Variants in DYNC2H1 observed in about 807,000 individuals in gnomAD.
DYNC2H1 encodes the protein dynein cytoplasmic 2 heavy chain 1, also known as cytoplasmic dynein 2 heavy chain 1.
Under a neutral mutation model 570.0 loss-of-function variants are expected in DYNC2H1, and 410 were observed. That is an observed-to-expected ratio of 0.72 (90% confidence interval 0.66 to 0.78). DYNC2H1 has a LOEUF of 0.78. DYNC2H1 is among the 30% of genes least tolerant of loss of function. The pLI is 0.00. For synonymous variants in DYNC2H1, 1,688 were observed against 1,677.6 expected, an observed-to-expected ratio of 1.01 and a Z score of -0.15; for missense variants, 4,865 against 5,046.4, an observed-to-expected ratio of 0.96 and a Z score of 1.09.
chr11:103,341,323 T>C (rs1231214707), intron 82 of DYNC2H1, among the ~76,000 whole-genome samples: 2 of 152,232 alleles, frequency 1.3e-5, no homozygotes, highest in African/African-American at 2.4e-5. Context: ...CTTTTTTCTT[T>C]TCTTCCCCCC....
chr11:103,474,114 T>TTA (rs1389743287), intron 88 of DYNC2H1: 2 of 229,300 alleles, frequency 8.7e-6, no homozygotes, highest in African/African-American at 4.6e-5. Context: ...AGTAATGATG[T>TTA]TATCACTATA....
chr11:103,345,549 C>G (rs1939701594), intron 82 of DYNC2H1, among the ~76,000 whole-genome samples: 1 of 152,136 alleles, frequency 6.6e-6, no homozygotes, highest in Non-Finnish European at 1.5e-5. Flanking sequence ...GATCTTGATT[C>G]ACATTTTTTA....
intron 84 of DYNC2H1, among the ~76,000 whole-genome samples, chr11:103,410,329 G>A (rs1453585243): frequency 6.6e-6 from 1 of 151,996 alleles, no homozygotes; most frequent in Non-Finnish European, 1.5e-5. Context: ...GAGATTTTCT[G>A]GGTATAGAAA....
At chr11:103,214,845 G>C (rs1438429864) in intron 54 of DYNC2H1, among the ~76,000 whole-genome samples, 3 of 142,330 alleles carry the variant, frequency 2.1e-5, no homozygotes, top group African/African-American at 7.8e-5. Flanking sequence ...GCTGTGGTTT[G>C]CCTTGTAGAG....
intron 55 of DYNC2H1, among the ~76,000 whole-genome samples, 169 bp from the exon 56 acceptor site, chr11:103,219,746 A>T (rs772856327): frequency 6.6e-6 from 1 of 152,234 alleles, no homozygotes; most frequent in Non-Finnish European, 1.5e-5. Flanking sequence ...GGAGTAAAAT[A>T]TATCATTGGT....
At chr11:103,411,629 G>A (rs1164511283) in intron 84 of DYNC2H1, among the ~76,000 whole-genome samples, 1 of 150,658 alleles carries the variant, frequency 6.6e-6, no homozygotes, top group Non-Finnish European at 1.5e-5. Flanking sequence ...GAACAAAAAG[G>A]GCTTAATTAT....
chr11:103,133,783 A>G lies in DYNC2H1; in HGVS notation c.2106+76A>G. The G allele has an allele frequency of 7.2e-7, 1 of 1,396,554 alleles. No individual in the cohort carries two copies. Among genetic ancestry groups the G allele is most frequent in the Non-Finnish European group, 9.6e-7 (1 of 1,045,240 alleles). The allele number at this position is 1,396,554 out of a possible 1,614,324, so 86.5% of individuals were successfully genotyped here. On this transcript the variant is annotated intron_variant, in intron 14 of 88. Transcript: ENST00000375735. This position sits in a 1 kb window ranked among gnomAD's most constrained non-coding sequence, Gnocchi z 4.8. ...AGTCATTAAGATACAATTTTTAAAA[A>G]CTTATTTTGAAATAATTTGAGACTT... is the stretch of plus-strand genomic sequence containing the variant.
intron 83 of DYNC2H1, among the ~76,000 whole-genome samples, chr11:103,367,093 A>G (rs1433070802): frequency 1.3e-5 from 2 of 152,164 alleles, no homozygotes; most frequent in African/African-American, 4.8e-5. Context: ...ATTGTTCTAA[A>G]TGAATTACTT....
intron 63 of DYNC2H1, among the ~76,000 whole-genome samples, chr11:103,240,877 A>G (rs1864400209): frequency 6.6e-6 from 1 of 152,202 alleles, no homozygotes. Flanking sequence ...AAAGCTGATC[A>G]TGATCAGACA....
rs549870719 is a variant in DYNC2H1 at position 103,341,187 on chromosome 11, C to A, written c.12040-17056C>A. 2.0e-5 allele frequency among the ~76,000 whole-genome samples: 3 copies of A among 152,300 alleles called. No homozygotes were observed. The South Asian group carries it at 6.2e-4, about 32-fold the overall frequency. ...ACTTCACTTCTTTATGGAATCGATT[C>A]ATTCAAAATCTTGGCAGGAGATCCA... On this transcript the variant is annotated intron_variant, in intron 82 of 88. Coordinates refer to ENST00000375735, the MANE Select transcript of DYNC2H1 (RefSeq NM_001377.3).
chr11:103,346,660 T>C (rs1939760276), intron 82 of DYNC2H1, among the ~76,000 whole-genome samples: 1 of 152,294 alleles, frequency 6.6e-6, no homozygotes, highest in East Asian at 1.9e-4. Context: ...TTTTATTAGG[T>C]TATTATTTAG....
chr11:103,143,611 T>C (rs149182594), intron 18 of DYNC2H1, among the ~76,000 whole-genome samples: 9 of 152,252 alleles, frequency 5.9e-5, no homozygotes, highest in African/African-American at 1.7e-4. Flanking sequence ...TTAGGTAAAA[T>C]AGACTGAAGA....
chr11:103,457,637 A>G (rs1392362856), intron 87 of DYNC2H1, among the ~76,000 whole-genome samples: 1 of 152,200 alleles, frequency 6.6e-6, no homozygotes. Flanking sequence ...TAAAACATAA[A>G]CACATTGTAC....
At chr11:103,139,134 A>G (rs1305169506) in intron 17 of DYNC2H1, among the ~76,000 whole-genome samples, 2 of 151,862 alleles carry the variant, frequency 1.3e-5, no homozygotes, top group Non-Finnish European at 2.9e-5. Context: ...CTAGCGGTCT[A>G]TCAATTTTGT....
At position 103,159,018 on chromosome 11, in the gene DYNC2H1, C is replaced by G; in HGVS notation, c.4369C>G (p.Leu1457Val). The G allele has an allele frequency of 6.2e-7, 1 of 1,610,804 alleles. No homozygotes were observed. Among genetic ancestry groups the G allele is most frequent in the South Asian group, 1.1e-5 (1 of 90,210 alleles). ...PSVIQSHLKKLFAGINSVCFD... is the reference protein window; with the variant it reads ...PSVIQSHLKKVFAGINSVCFD... Reference sequence around the variant, plus strand: ...AGTGATTCAGTCTCACCTGAAGAAGCTTTTTGCTGGTAGGATTCAACATTT... The same window carrying G: ...AGTGATTCAGTCTCACCTGAAGAAGGTTTTTGCTGGTAGGATTCAACATTT... The change falls in exon 28 of 89, where the codon CTT becomes GTT. Residue 1457 changes from leucine (L) to valine (V), a missense_variant. By Grantham distance (32) the Leu-to-Val change is conservative. Around this residue, in one of 5 missense-constraint regions of DYNC2H1, gnomAD observed 1,936 missense variants for 1,962.1 expected, o/e 0.99. Transcript: ENST00000375735.
chr11:103,415,742 C>T (rs573118181), intron 84 of DYNC2H1, among the ~76,000 whole-genome samples: 36 of 152,140 alleles, frequency 2.4e-4, no homozygotes, highest in Non-Finnish European at 3.8e-4. Flanking sequence ...GACAGTGTGG[C>T]GATTCCTCAA....
Position 103,220,709 on chromosome 11 carries a change from T to C in DYNC2H1, c.9033T>C (p.Asp3011=). The C allele has an allele frequency of 1.2e-6, 2 of 1,613,194 alleles. No homozygotes were observed. Among genetic ancestry groups the C allele is most frequent in the Non-Finnish European group, 1.7e-6 (2 of 1,179,364 alleles). ...TTCGCTCACTACGCATGCCACCTGA[T>C]GTAATTAGAGATATTCTTGAAGGAG... ...SEIRSLRMPP[D]VIRDILEGVL... The change falls in exon 57 of 89, where the codon GAT becomes GAC. Residue 3011 remains aspartate (D), a synonymous_variant. Coordinates refer to ENST00000375735, the MANE Select transcript of DYNC2H1 (RefSeq NM_001377.3).
intron 30 of DYNC2H1, 144 bp from the exon 31 acceptor site, chr11:103,165,754 A>T: frequency 1.7e-6 from 1 of 596,204 alleles, no homozygotes; most frequent in Non-Finnish European, 2.7e-6. Flanking sequence ...TTACTCTATT[A>T]ATATTTAAGG....
intron 82 of DYNC2H1, among the ~76,000 whole-genome samples, chr11:103,348,851 C>G (rs1424649654): frequency 1.3e-5 from 2 of 152,054 alleles, no homozygotes; most frequent in Non-Finnish European, 2.9e-5. Context: ...GGCAGTTTCC[C>G]CCAGGCTGTT....
Sources: allele counts gnomAD v4.1 joint callset (sites outside exome capture counted in the v4.1 genomes callset), GRCh38; gene constraint gnomAD v4.1.1; regional missense constraint gnomAD v4.1.1; non-coding constraint Gnocchi (gnomAD v3.1); transcripts MANE v1.5; gene names NCBI Gene and HGNC (gene_info 2026-07-23, HGNC 2026-07-21).